The following CHD6 variants were observed in gnomAD, a reference collection of about 807,000 sequenced individuals.
CHD6 encodes ATP-dependent chromatin remodeler CHD6.
Under a neutral mutation model 276.9 loss-of-function variants are expected in CHD6, and 50 were observed. The observed-to-expected ratio is 0.18, with a 90% confidence interval of 0.14 to 0.23. The LOEUF is 0.23. Among genes scored for constraint, CHD6 ranks in the 10% least tolerant of loss-of-function variants. The pLI is 1.00. For synonymous variants in CHD6, 1,173 were observed against 1,229.3 expected, an observed-to-expected ratio of 0.95 and a Z score of 0.96; for missense variants, 2,564 against 3,365.8, an observed-to-expected ratio of 0.76 and a Z score of 5.89.
At chr20:41,575,766 G>A (rs1007666388) in intron 1 of CHD6, among the ~76,000 whole-genome samples, 2 of 152,148 alleles carry the variant, frequency 1.3e-5, no homozygotes. Context: ...CCTCCGAGGA[G>A]CTGGTCACCT....
rs550575943 is a variant in CHD6, at chr20:41,512,686, TC to T, written c.852+159del. Reference sequence around the variant, plus strand: ...GGGTCCTGCTGAGCACAGTAAGGAGTCTGAATGTCATTCCCAATGCAACAGG... The same window carrying T: ...GGGTCCTGCTGAGCACAGTAAGGAGTTGAATGTCATTCCCAATGCAACAGG... On this transcript the variant is annotated intron_variant, in intron 5 of 36. Coordinates refer to ENST00000373233, the MANE Select transcript of CHD6 (RefSeq NM_032221.5). 8.6e-3 allele frequency among the ~76,000 whole-genome samples: 1,304 copies of T among 151,704 alleles called. 5 individuals carry two copies. The highest frequency in any genetic ancestry group is 0.013 in the Non-Finnish European group (910 of 67,906).
intron 3 of CHD6, among the ~76,000 whole-genome samples, chr20:41,527,602 G>A (rs996555454): frequency 5.3e-5 from 8 of 152,180 alleles, no homozygotes; most frequent in African/African-American, 1.9e-4. Flanking sequence ...TCACTCGGCT[G>A]TGCCTTAATG....
Position 41,499,307 on chromosome 20 carries a change from C to A in CHD6, c.903G>T (p.Lys301Asn). The change falls in exon 6 of 37, where the codon AAG becomes AAT. Residue 301 changes from lysine (K) to asparagine (N), a missense_variant. Transcript: ENST00000373233. ...ANIIEKILAS[K>N]TVQEVHPGEP... is the part of the protein sequence containing the mutation. ...ATGAGCCACCAACCTCCTGGACAGT[C>A]TTAGATGCCAGGATCTTCTCAATGA... is the stretch of plus-strand genomic sequence containing the variant. The A allele has an allele frequency of 6.2e-7, 1 of 1,607,532 alleles. No homozygotes were observed. Among genetic ancestry groups the A allele is most frequent in the Non-Finnish European group, 8.5e-7 (1 of 1,176,542 alleles).
rs1320790629 is a variant in CHD6 at position 41,556,748 on chromosome 20, C to T, written c.-23-5388G>A. ...TGCTGCCACCCCACAAGATAACAAACGTCATCAACATCAATAGGTGTTCAA... is the reference window on the plus strand; with the variant it reads ...TGCTGCCACCCCACAAGATAACAAATGTCATCAACATCAATAGGTGTTCAA... On this transcript the variant is annotated intron_variant, in intron 1 of 36. Coordinates refer to ENST00000373233, the MANE Select transcript of CHD6 (RefSeq NM_032221.5). 3.3e-5 allele frequency among the ~76,000 whole-genome samples: 5 copies of T among 152,154 alleles called. No homozygotes were observed. The East Asian group carries it at 5.8e-4, about 18-fold the overall frequency.
Position 41,422,063 on chromosome 20 carries a change from G to A in CHD6, c.4572C>T (p.Thr1524=). The change falls in exon 31 of 37, where the codon ACC becomes ACT. Residue 1524 remains threonine (T), a synonymous_variant. Coordinates refer to ENST00000373233, the MANE Select transcript of CHD6 (RefSeq NM_032221.5). ...CCTCAGTGATGGGTTCAACGTAGAT[G>A]GTGGTATCTGGGGGACCTGGAGAGA... ...TWKDGGPPDT[T]IYVEPITEER... 6.2e-7 allele frequency: 1 copy of A among 1,608,148 alleles called. No homozygotes were observed. Among genetic ancestry groups the A allele is most frequent in the Admixed American group, 1.7e-5 (1 of 59,750 alleles).
chr20:41,547,264 C>G (rs2045060219), intron 2 of CHD6, among the ~76,000 whole-genome samples: 1 of 152,230 alleles, frequency 6.6e-6, no homozygotes, highest in Admixed American at 6.5e-5. Context: ...AATTACCCCA[C>G]TTAATCCTAA....
At chr20:41,523,223 A>G (rs1312703122) in intron 3 of CHD6, among the ~76,000 whole-genome samples, 1 of 152,164 alleles carries the variant, frequency 6.6e-6, no homozygotes, top group Non-Finnish European at 1.5e-5. Context: ...GGTTTATGTT[A>G]CTTGTAACCA....
intron 31 of CHD6, among the ~76,000 whole-genome samples, chr20:41,418,775 T>C (rs1017442440): frequency 6.6e-6 from 1 of 152,082 alleles, no homozygotes; most frequent in African/African-American, 2.4e-5. Flanking sequence ...GTGTGGAGGA[T>C]CCCTTCCAGG....
chr20:41,538,882 A>T (rs751468753), intron 2 of CHD6, among the ~76,000 whole-genome samples: 7 of 152,134 alleles, frequency 4.6e-5, no homozygotes, highest in African/African-American at 9.7e-5. Context: ...GCCTCCTCCC[A>T]GTTCCTCAAG....
rs574639809 is a variant in CHD6, at chr20:41,490,443, T to C, written c.1437-422A>G. 1.3e-3 allele frequency among the ~76,000 whole-genome samples: 201 copies of C among 152,308 alleles called. 1 individual carries two copies. The highest frequency in any genetic ancestry group is 2.8e-3 in the African/African-American group (116 of 41,564). The stretch of plus-strand genomic sequence containing the variant: ...AATACCGTAGGCAATTGTAACACCA[T>C]AGTAAGTATTTGTGTATCTAAACAT... On this transcript the variant is annotated intron_variant, in intron 11 of 36. Coordinates refer to ENST00000373233, the MANE Select transcript of CHD6 (RefSeq NM_032221.5).
At position 41,421,101 on chromosome 20, in the gene CHD6, A is replaced by C; in HGVS notation, c.5534T>G (p.Ile1845Ser). The C allele has an allele frequency of 6.2e-7, 1 of 1,614,178 alleles. No homozygotes were observed. The highest frequency in any genetic ancestry group is 1.1e-5 in the South Asian group (1 of 91,076). ...TAAGCTTTTGTTTTCCAATAAATCA[A>C]TTAATTGCTGATCTGATGACAGGTT... ...KRNLSSDQQL[I>S]DLLENKSLES... The change falls in exon 31 of 37, where the codon ATT (isoleucine) becomes AGT (serine). Residue 1845 changes from isoleucine to serine, a missense_variant. By Grantham distance (142) the Ile-to-Ser change is moderately radical (BLOSUM62 -2). Transcript: ENST00000373233.
intron 1 of CHD6, among the ~76,000 whole-genome samples, chr20:41,552,754 G>T (rs1029230082): frequency 6.6e-6 from 1 of 152,198 alleles, no homozygotes; most frequent in Non-Finnish European, 1.5e-5. Flanking sequence ...CATGGAATCT[G>T]TCCTAGAGAG....
Position 41,514,790 on chromosome 20 carries a change from C to G in CHD6, c.702+15G>C, listed in dbSNP as rs373255665. The G allele has an allele frequency of 1.6e-5, 26 of 1,611,604 alleles. No homozygotes were observed. The highest frequency in any genetic ancestry group is 2.2e-5 in the Non-Finnish European group (26 of 1,179,034). On this transcript the variant is annotated intron_variant, in intron 4 of 36. Transcript: ENST00000373233. ...GAGCCGTAATCTCCACCAGGCCTCC[C>G]GGTCACAGCTGTACCTGGCTGTCTG... is the stretch of plus-strand genomic sequence containing the variant.
chr20:41,593,656 T>C (rs1484189417), intron 1 of CHD6, among the ~76,000 whole-genome samples: 4 of 152,206 alleles, frequency 2.6e-5, no homozygotes, highest in African/African-American at 9.7e-5. Flanking sequence ...CTAAACTCTA[T>C]TTCCTCAGCA....
rs2046636509 is a variant in CHD6, at chr20:41,405,181, C to T, written c.7560G>A (p.Met2520Ile). 2 of 1,614,124 alleles carry T rather than the reference C, an allele frequency of 1.2e-6. No homozygotes were observed. The change falls in exon 37 of 37, where the codon ATG becomes ATA. Residue 2520 changes from methionine (M) to isoleucine (I), a missense_variant. Transcript: ENST00000373233. ...EVKSTLSMLPMMLPGMAAVPQ... is the reference protein window; with the variant it reads ...EVKSTLSMLPIMLPGMAAVPQ... ...GCACAGCAGCCATGCCTGGCAGCAT[C>T]ATGGGCAGCATGCTCAGGGTACTTT...
intron 1 of CHD6, among the ~76,000 whole-genome samples, chr20:41,615,083 T>C (rs569177505): frequency 3.9e-5 from 6 of 152,196 alleles, no homozygotes; most frequent in Admixed American, 3.9e-4. Context: ...AAAAAATCTT[T>C]AGAGAGAACT....
chr20:41,556,058 C>T (rs1240941403), intron 1 of CHD6, among the ~76,000 whole-genome samples: 1 of 152,148 alleles, frequency 6.6e-6, no homozygotes, highest in Non-Finnish European at 1.5e-5. Flanking sequence ...GAGACCAGCC[C>T]GGCCAACACA....
rs145618462 is a variant in CHD6 at position 41,430,489 on chromosome 20, C to A, written c.4069-4336G>T. ...TACTGCTGGGAGGAAGGGGCATAAACCCACACCTGAATTACTCTCTATTGT... is the reference window on the plus strand; with the variant it reads ...TACTGCTGGGAGGAAGGGGCATAAAACCACACCTGAATTACTCTCTATTGT... On this transcript the variant is annotated intron_variant, in intron 27 of 36. Coordinates refer to ENST00000373233, the MANE Select transcript of CHD6 (RefSeq NM_032221.5). 2.4e-3 allele frequency among the ~76,000 whole-genome samples: 371 copies of A among 152,280 alleles called. 2 individuals carry two copies. Among genetic ancestry groups the A allele is most frequent in the African/African-American group, 7.1e-3 (293 of 41,548 alleles).
At chr20:41,614,243 T>A (rs2045915126) in intron 1 of CHD6, among the ~76,000 whole-genome samples, 1 of 152,188 alleles carries the variant, frequency 6.6e-6, no homozygotes, top group South Asian at 2.1e-4. Context: ...ATGTTTGGAT[T>A]CCTGTCCTGG....
Sources: gnomAD v4.1 joint callset for allele counts (sites outside exome capture counted in the v4.1 genomes callset) on GRCh38, gnomAD v4.1.1 for gene constraint, MANE v1.5 for transcripts, NCBI Gene and HGNC (gene_info 2026-07-23, HGNC 2026-07-21) for gene names.